The following RANBP2 variants were observed in gnomAD, a reference collection of about 807,000 sequenced individuals.
RANBP2 encodes RAN binding protein 2, also known as E3 SUMO-protein ligase RanBP2.
A neutral mutation model predicts 303.6 loss-of-function variants in RANBP2; 57 were observed. That is an observed-to-expected ratio of 0.19 (90% CI 0.15 to 0.23). The LOEUF is 0.23. Among genes scored for constraint, RANBP2 ranks in the 10% least tolerant of loss-of-function variants. The probability of loss-of-function intolerance (pLI) is 1.00; values close to 1 mark genes in which losing one functional copy is unlikely to be tolerated. For synonymous variants in RANBP2, 1,167 were observed against 1,301.5 expected (o/e 0.90, Z 2.23); for missense variants, 3,138 against 3,780.8 (o/e 0.83, Z 4.46).
At chr2:108,962,976 G>C in the RANBP2 span, among the ~76,000 whole-genome samples, 4 of 152,188 alleles carry the variant, frequency 2.6e-5, no homozygotes, top group Non-Finnish European at 5.9e-5. Context: ...AGGGCTCACT[G>C]TGCACTTGTC....
chr2:108,934,518 T>G, the RANBP2 span, among the ~76,000 whole-genome samples: 2 of 152,196 alleles, frequency 1.3e-5, no homozygotes, highest in Admixed American at 6.5e-5. Context: ...TGTCTTAGTC[T>G]GCTTTGTGCT....
chr2:109,119,958 A>C, the RANBP2 span, among the ~76,000 whole-genome samples: 1 of 152,236 alleles, frequency 6.6e-6, no homozygotes, highest in East Asian at 1.9e-4. Context: ...ATGAATTTAA[A>C]CAAATTCATA....
chr2:108,813,248 CAAAAAAA>C, the RANBP2 span, among the ~76,000 whole-genome samples: 7 of 63,544 alleles, frequency 1.1e-4, no homozygotes, highest in African/African-American at 4.4e-4. Context: ...GACTCCGTCT[CAAAAAAA>C]AAAAAAAAAA....
the RANBP2 span, among the ~76,000 whole-genome samples, chr2:108,852,386 A>G: frequency 0.069 from 10,574 of 152,236 alleles, 469 homozygotes; most frequent in South Asian, 0.15. Context: ...TCAACCCAAC[A>G]ATCCCATTAC....
chr2:108,757,838 G>A (rs929158329), intron 17 of RANBP2, among the ~76,000 whole-genome samples: 2 of 152,302 alleles, frequency 1.3e-5, no homozygotes, highest in Admixed American at 1.3e-4. Flanking sequence ...GAATGGAAAT[G>A]AAGGTGTGAT....
chr2:109,199,597 TGGAA>T, the RANBP2 span, among the ~76,000 whole-genome samples: 2 of 274 alleles, frequency 7.3e-3, no homozygotes, highest in African/African-American at 0.028. Flanking sequence ...TGGAATGGAA[TGGAA>T]TGGAATGGAA....
At chr2:109,324,313 A>G in the RANBP2 span, among the ~76,000 whole-genome samples, 1 of 152,130 alleles carries the variant, frequency 6.6e-6, no homozygotes, top group Admixed American at 6.5e-5. Flanking sequence ...CTGCTCTAGG[A>G]GTAGGGGTAC....
the RANBP2 span, among the ~76,000 whole-genome samples, chr2:109,479,148 C>T: frequency 6.6e-6 from 1 of 152,192 alleles, no homozygotes; most frequent in African/African-American, 2.4e-5. Context: ...AATGTGGCGA[C>T]TGGGTTCCGA....
the RANBP2 span, among the ~76,000 whole-genome samples, chr2:108,991,839 C>T: frequency 2.0e-5 from 3 of 152,288 alleles, no homozygotes; most frequent in African/African-American, 7.2e-5. Flanking sequence ...CAGAGTCTTG[C>T]TCTCTCGCCC....
At chr2:109,571,190 T>C in the RANBP2 span, among the ~76,000 whole-genome samples, 1 of 152,248 alleles carries the variant, frequency 6.6e-6, no homozygotes, top group South Asian at 2.1e-4. Context: ...CCAGCCAGGC[T>C]TCTTGTACAG....
At chr2:109,208,187 C>G in the RANBP2 span, among the ~76,000 whole-genome samples, 2 of 152,252 alleles carry the variant, frequency 1.3e-5, no homozygotes, top group South Asian at 4.1e-4. Context: ...GTGGCACCTA[C>G]CTGGCTCTGC....
the RANBP2 span, among the ~76,000 whole-genome samples, chr2:109,193,031 C>T: frequency 2.6e-5 from 4 of 152,200 alleles, no homozygotes; most frequent in Admixed American, 2.6e-4. Flanking sequence ...ACAGATCCAT[C>T]AACAGATGTC....
chr2:109,593,321 A>G, the RANBP2 span, among the ~76,000 whole-genome samples: 2 of 152,134 alleles, frequency 1.3e-5, no homozygotes, highest in African/African-American at 4.8e-5. Flanking sequence ...AATTACATAT[A>G]ATATTCAACA....
At chr2:108,989,665 C>G in the RANBP2 span, among the ~76,000 whole-genome samples, 1 of 152,124 alleles carries the variant, frequency 6.6e-6, no homozygotes, top group Non-Finnish European at 1.5e-5. Flanking sequence ...TCTCTGGACA[C>G]CTCACACCAC....
At chr2:109,221,798 A>G in the RANBP2 span, among the ~76,000 whole-genome samples, 2 of 152,152 alleles carry the variant, frequency 1.3e-5, no homozygotes, top group Non-Finnish European at 2.9e-5. Context: ...CCAGTAGGAA[A>G]GTTTCTCAGA....
the RANBP2 span, among the ~76,000 whole-genome samples, chr2:109,766,397 G>A: frequency 6.6e-6 from 1 of 150,550 alleles, no homozygotes; most frequent in Non-Finnish European, 1.5e-5. Context: ...TCAGGGCGCC[G>A]AGAACTTGGG....
chr2:108,953,279 G>GT, the RANBP2 span, among the ~76,000 whole-genome samples: 1 of 152,168 alleles, frequency 6.6e-6, no homozygotes, highest in Non-Finnish European at 1.5e-5. Context: ...GTTCTCTGTT[G>GT]TCTGCTAGCT....
At chr2:108,921,681 T>C in the RANBP2 span, among the ~76,000 whole-genome samples, 25 of 152,254 alleles carry the variant, frequency 1.6e-4, no homozygotes, top group African/African-American at 6.0e-4. Context: ...AGTAAAGAGA[T>C]CTCTGGATTG....
the RANBP2 span, among the ~76,000 whole-genome samples, chr2:109,114,119 A>G: frequency 9.0e-4 from 137 of 152,172 alleles, no homozygotes; most frequent in African/African-American, 3.0e-3. Context: ...GTCTCTGCCC[A>G]GCTTTGGTAT....
Sources: gnomAD v4.1 joint callset for allele counts (sites outside exome capture counted in the v4.1 genomes callset) on GRCh38, gnomAD v4.1.1 for gene constraint, MANE v1.5 for transcripts, NCBI Gene and HGNC (gene_info 2026-07-23, HGNC 2026-07-21) for gene names.